ZNF609: variants seen among roughly 807,000 people sequenced by gnomAD.
ZNF609 encodes zinc finger protein 609.
In ZNF609, 11 loss-of-function variants were observed where a neutral mutation model predicts 109.5. The ratio of observed to expected loss-of-function variants is 0.10; its 90% CI spans 0.06 to 0.17. ZNF609 has a LOEUF of 0.17. Ranked by LOEUF, ZNF609 falls within the 10% of genes least tolerant of loss-of-function variation. ZNF609 has a pLI of 1.00. For missense variants in ZNF609, 1,559 were observed against 1,772.4 expected, an observed-to-expected ratio of 0.88 and a Z score of 2.16; for synonymous variants, 646 against 662.0, an observed-to-expected ratio of 0.98 and a Z score of 0.37.
chr15:64,656,283 C>T lies in ZNF609; in HGVS notation c.974-14063C>T, dbSNP rs559633760. Among the ~76,000 whole-genome samples the T allele has an allele frequency of 2.6e-5, 4 of 152,228 alleles. No homozygotes were observed. In the East Asian group the frequency reaches 7.7e-4, roughly 29 times the overall value. On this transcript the variant is annotated intron_variant, in intron 3 of 9. Transcript: ENST00000326648. ...TTTACCATGTTGCCCAGGCTGGTCT[C>T]GAACTCCTGACCTCAAGTGATCAGC...
At chr15:64,661,270 C>G (rs192695989) in intron 3 of ZNF609, among the ~76,000 whole-genome samples, 3 of 152,288 alleles carry the variant, frequency 2.0e-5, no homozygotes, top group Admixed American at 2.0e-4. Flanking sequence ...CCGCGTATCA[C>G]TATCTGACAT....
chr15:64,466,532 A>T (rs1248358341), intron 1 of ZNF609, among the ~76,000 whole-genome samples: 1 of 152,180 alleles, frequency 6.6e-6, no homozygotes, highest in African/African-American at 2.4e-5. Context: ...TCTTTGAGGG[A>T]AAGTGAGGCC....
chr15:64,535,191 G>A (rs569524352), intron 2 of ZNF609, among the ~76,000 whole-genome samples: 5 of 152,202 alleles, frequency 3.3e-5, no homozygotes, highest in Non-Finnish European at 5.9e-5. Flanking sequence ...CAAGTAGCTA[G>A]GCGCATGCCA....
At chr15:64,583,207 A>G (rs1895141616) in intron 2 of ZNF609, among the ~76,000 whole-genome samples, 1 of 150,552 alleles carries the variant, frequency 6.6e-6, no homozygotes, top group African/African-American at 2.4e-5. Flanking sequence ...TAATTTTTGT[A>G]TTTTTAGTAG....
intron 4 of ZNF609, 86 bp downstream of exon 4, chr15:64,670,519 C>A: frequency 8.8e-7 from 1 of 1,136,018 alleles, no homozygotes; most frequent in Non-Finnish European, 1.3e-6. Context: ...TAGAGTTGTA[C>A]ATCCAGCTTT....
intron 2 of ZNF609, among the ~76,000 whole-genome samples, chr15:64,562,319 G>A (rs998970083): frequency 2.6e-5 from 4 of 152,162 alleles, no homozygotes; most frequent in African/African-American, 9.7e-5. Flanking sequence ...ACTATGCTAG[G>A]CAACAATTTC....
rs1567019180 is a variant in ZNF609 at position 64,577,117 on chromosome 15, T to TATATGTATATATACACACAAATATATAC, written c.748-45704_748-45703insATATATACACACAAATATATACATATGT. ...GTATATATACACACAAATATATACA[T>TATATGTATATATACACACAAATATATAC]ATATGTGTATATATACACACAAATA... On this transcript the variant is annotated intron_variant, in intron 2 of 9. Transcript: ENST00000326648. Among the ~76,000 whole-genome samples the TATATGTATATATACACACAAATATATAC allele has an allele frequency of 8.0e-4, 94 of 116,996 alleles. 1 individual carries two copies. Among genetic ancestry groups the TATATGTATATATACACACAAATATATAC allele is most frequent in the African/African-American group, 2.8e-3 (87 of 30,752 alleles). 76.8% of individuals were successfully genotyped at this position (116,996 alleles called of 152,430 possible).
chr15:64,545,993 G>A (rs1595713843), intron 2 of ZNF609, among the ~76,000 whole-genome samples: 1 of 152,188 alleles, frequency 6.6e-6, no homozygotes, highest in South Asian at 2.1e-4. Flanking sequence ...GTGGATAGAG[G>A]GTTTTATTTT....
chr15:64,674,416 C>A lies in ZNF609; in HGVS notation c.1562C>A (p.Thr521Lys). ...GLKYHQAHAH[T>K]DDDSKPEADG... ...AAGTACCACCAAGCTCATGCCCATA[C>A]AGATGATGACAGCAAGCCGGAAGCG... The change falls in exon 5 of 10, where the codon ACA (threonine) becomes AAA (lysine). Residue 521 changes from threonine to lysine, a missense_variant. Physicochemically the swap from Thr to Lys is moderately conservative, Grantham distance 78. Around this residue, in one of 4 missense-constraint regions of ZNF609, gnomAD observed 1,204 missense variants for 1,314.1 expected, o/e 0.92. Transcript: ENST00000326648. 1.9e-6 allele frequency: 3 copies of A among 1,614,172 alleles called. No individual in the cohort carries two copies. The highest frequency in any genetic ancestry group is 2.5e-6 in the Non-Finnish European group (3 of 1,180,042).
At chr15:64,542,057 G>C (rs1020439716) in intron 2 of ZNF609, among the ~76,000 whole-genome samples, 1 of 151,970 alleles carries the variant, frequency 6.6e-6, no homozygotes, top group Non-Finnish European at 1.5e-5. Flanking sequence ...GCTGAAGCAG[G>C]AGGATCACTT....
At chr15:64,486,340 A>G (rs1485014363) in intron 1 of ZNF609, among the ~76,000 whole-genome samples, 1 of 152,108 alleles carries the variant, frequency 6.6e-6, no homozygotes, top group Non-Finnish European at 1.5e-5. Context: ...CCTACCCAAC[A>G]TAGTGAAACC....
At chr15:64,555,872 G>A (rs1894573702) in intron 2 of ZNF609, among the ~76,000 whole-genome samples, 1 of 107,666 alleles carries the variant, frequency 9.3e-6, no homozygotes, top group Non-Finnish European at 1.7e-5. Flanking sequence ...GGGTGACAGA[G>A]CAAGACTCTG....
At chr15:64,528,572 C>G (rs1457749662) in intron 2 of ZNF609, 1 of 603,990 alleles carries the variant, frequency 1.7e-6, no homozygotes, top group African/African-American at 1.8e-5. Flanking sequence ...AGGGGAGATT[C>G]AGCTTGGTGG....
At chr15:64,516,720 C>T (rs542376202) in intron 2 of ZNF609, among the ~76,000 whole-genome samples, 42 of 152,200 alleles carry the variant, frequency 2.8e-4, no homozygotes, top group Admixed American at 1.7e-3. Context: ...TGTGGTGCCA[C>T]TATATACTGG....
rs1384236275 is a variant in ZNF609, at chr15:64,563,377, G to T, written c.748-59450G>T. Among the ~76,000 whole-genome samples, 8 of 150,682 alleles carry T rather than the reference G, an allele frequency of 5.3e-5. No individual in the cohort carries two copies. In the East Asian group the frequency reaches 1.4e-3, roughly 26 times the overall value. On this transcript the variant is annotated intron_variant, in intron 2 of 9. Transcript: ENST00000326648. ...GAGGTGGGAGGATTGATGGAACCCA[G>T]CAAATCGAGGCTGCAGTGAGCCATG...
intron 3 of ZNF609, among the ~76,000 whole-genome samples, chr15:64,641,073 T>A (rs1269907520): frequency 6.6e-6 from 1 of 152,286 alleles, no homozygotes; most frequent in South Asian, 2.1e-4. Flanking sequence ...GTACCAGATC[T>A]GAATGCTCTT....
chr15:64,633,392 C>T (rs1169513810), intron 3 of ZNF609, among the ~76,000 whole-genome samples: 2 of 152,100 alleles, frequency 1.3e-5, no homozygotes, highest in African/African-American at 4.8e-5. Flanking sequence ...AGTGATCCGC[C>T]CACTTCAGCC....
At chr15:64,593,244 G>T (rs1054075492) in intron 2 of ZNF609, 9 of 1,531,322 alleles carry the variant, frequency 5.9e-6, no homozygotes, top group Non-Finnish European at 7.1e-6. Flanking sequence ...AATCGATCTC[G>T]TGAAGCCCGC....
chr15:64,499,454 G>A lies in ZNF609; in HGVS notation c.35G>A (p.Gly12Glu). ...AGCAGTGGAGCCTCCGGAGGGAAAGGAGTGGATGCAAACCCGGTTGAGACA... is the reference window on the plus strand; with the variant it reads ...AGCAGTGGAGCCTCCGGAGGGAAAGAAGTGGATGCAAACCCGGTTGAGACA... ...SLSSGASGGK[G>E]VDANPVETYD... is the part of the protein sequence containing the mutation. Residue 12 changes from glycine (G) to glutamate (E), a missense_variant, in exon 2 of 10, where the codon GGA becomes GAA. Transcript: ENST00000326648. 1 of 1,614,104 alleles carries A rather than the reference G, an allele frequency of 6.2e-7. No individual in the cohort carries two copies. Among genetic ancestry groups the A allele is most frequent in the South Asian group, 1.1e-5 (1 of 91,072 alleles).
Sources: gnomAD v4.1 joint callset for allele counts (sites outside exome capture counted in the v4.1 genomes callset) on GRCh38, gnomAD v4.1.1 for gene constraint, gnomAD v4.1.1 regional missense constraint, MANE v1.5 for transcripts, NCBI Gene and HGNC (gene_info 2026-07-23, HGNC 2026-07-21) for gene names.